Variants in PATJ observed in about 807,000 individuals in gnomAD.
The protein encoded by PATJ is inaD-like protein.
PATJ carries 190 observed loss-of-function variants against 224.9 expected under a neutral mutation model. The observed-to-expected ratio is 0.84, with a 90% CI of 0.75 to 0.95. The LOEUF (loss-of-function observed/expected upper bound fraction) is 0.95, where lower values mean the gene tolerates loss of function less well. Among genes scored for constraint, PATJ ranks in the 40% least tolerant of loss-of-function variants. The probability of loss-of-function intolerance (pLI) is 0.00; values close to 1 mark genes in which losing one functional copy is unlikely to be tolerated. For missense variants in PATJ, 2,121 were observed against 2,270.3 expected (o/e 0.93, Z 1.34); for synonymous variants, 769 against 820.3 (o/e 0.94, Z 1.07).
chr1:62,098,908 C>T (rs1050882350), intron 33 of PATJ, among the ~76,000 whole-genome samples: 4 of 151,950 alleles, frequency 2.6e-5, no homozygotes, highest in Non-Finnish European at 5.9e-5. Flanking sequence ...TTAACTGAAT[C>T]CTTTTTTATA....
intron 33 of PATJ, among the ~76,000 whole-genome samples, chr1:62,102,392 TAATC>T: frequency 6.6e-6 from 1 of 152,206 alleles, no homozygotes; most frequent in South Asian, 2.1e-4. Flanking sequence ...TGATAGAAAT[TAATC>T]TTTTTTCTTG....
At chr1:61,777,422 G>A (rs1372759505) in intron 7 of PATJ, among the ~76,000 whole-genome samples, 1 of 152,032 alleles carries the variant, frequency 6.6e-6, no homozygotes, top group African/African-American at 2.4e-5. Flanking sequence ...AAAGTTAGCT[G>A]GGCATGGTGC....
chr1:61,943,011 A>T (rs1037553536), intron 27 of PATJ, among the ~76,000 whole-genome samples: 6 of 152,222 alleles, frequency 3.9e-5, no homozygotes, highest in Non-Finnish European at 7.3e-5. Flanking sequence ...GAAACAAGCC[A>T]AATGTCCATC....
intron 22 of PATJ, among the ~76,000 whole-genome samples, chr1:61,895,186 A>C (rs561281506): frequency 6.6e-6 from 1 of 152,380 alleles, no homozygotes; most frequent in African/African-American, 2.4e-5. Context: ...CAGAGCATAA[A>C]GGTGTAGAAA....
chr1:61,835,624 G>A lies in PATJ; in HGVS notation c.2112+1839G>A, dbSNP rs961948908. Among the ~76,000 whole-genome samples, 10 of 151,918 alleles carry A rather than the reference G, an allele frequency of 6.6e-5. 1 individual carries two copies. The highest frequency in any genetic ancestry group is 2.2e-4 in the African/African-American group (9 of 41,354). ...TCACCATTTTGGCCAGGCTAGTCTC[G>A]AACCCCTGACCTCAAGTGATTCCCC... On this transcript the variant is annotated intron_variant, in intron 17 of 43. Coordinates refer to ENST00000642238, the MANE Select transcript of PATJ (RefSeq NM_001350145.3).
At chr1:61,911,695 T>TTTTATATATATATA (rs770166083) in intron 25 of PATJ, among the ~76,000 whole-genome samples, 1 of 140,616 alleles carries the variant, frequency 7.1e-6, no homozygotes, top group African/African-American at 2.6e-5. Flanking sequence ...CTATATATTT[T>TTTTATATATATATA]TATATATATA....
chr1:61,744,450 G>A (rs1271387257), intron 1 of PATJ, among the ~76,000 whole-genome samples: 1 of 151,988 alleles, frequency 6.6e-6, no homozygotes, highest in African/African-American at 2.4e-5. Context: ...AGGCTCTCTA[G>A]TTTGTTTGGG....
intron 32 of PATJ, among the ~76,000 whole-genome samples, chr1:62,083,570 A>G (rs1354719251): frequency 3.3e-5 from 5 of 152,260 alleles, no homozygotes; most frequent in African/African-American, 4.8e-5. Context: ...AACCTAAAAC[A>G]ATTGTTTTTA....
intron 34 of PATJ, among the ~76,000 whole-genome samples, chr1:62,111,486 A>G (rs907618635): frequency 6.6e-6 from 1 of 152,180 alleles, no homozygotes; most frequent in African/African-American, 2.4e-5. Context: ...CCCTGTGCCA[A>G]ATGATTTACA....
chr1:61,949,400 A>G (rs1679284522), intron 27 of PATJ, among the ~76,000 whole-genome samples: 2 of 150,920 alleles, frequency 1.3e-5, no homozygotes, highest in African/African-American at 5.0e-5. Flanking sequence ...AATAGTTGTG[A>G]TGGTTGCACA....
At chr1:62,135,515 C>CAAAAAAA in intron 41 of PATJ, among the ~76,000 whole-genome samples, 1 of 83,784 alleles carries the variant, frequency 1.2e-5, no homozygotes, top group Non-Finnish European at 2.2e-5. Flanking sequence ...GACTCCGTCT[C>CAAAAAAA]AAAAAAAAAA....
intron 1 of PATJ, among the ~76,000 whole-genome samples, chr1:61,754,968 G>A (rs1645549531): frequency 6.6e-6 from 1 of 151,948 alleles, no homozygotes; most frequent in South Asian, 2.1e-4. Flanking sequence ...GGATACTCCA[G>A]AATGGTCTCC....
At chr1:61,913,186 T>A (rs1184580354) in intron 25 of PATJ, among the ~76,000 whole-genome samples, 1 of 152,132 alleles carries the variant, frequency 6.6e-6, no homozygotes, top group Non-Finnish European at 1.5e-5. Context: ...AGGCAGGCAG[T>A]CTTTTAATTT....
At chr1:61,758,103 A>G (rs1645752736) in intron 1 of PATJ, among the ~76,000 whole-genome samples, 1 of 152,180 alleles carries the variant, frequency 6.6e-6, no homozygotes, top group African/African-American at 2.4e-5. Context: ...TTGTCAAAGC[A>G]TCTTCATCTG....
chr1:61,769,371 G>A lies in PATJ; in HGVS notation c.473G>A (p.Gly158Glu), dbSNP rs1207663906. ...GTGGCCCTCAGAAGTCAAAATCTCGGAAAAGTTGATATCTTCGTGAAGGAT... is the reference window on the plus strand; with the variant it reads ...GTGGCCCTCAGAAGTCAAAATCTCGAAAAAGTTGATATCTTCGTGAAGGAT... ...SVVALRSQNL[G>E]KVDIFVKDVQ... is the part of the protein sequence containing the mutation. Residue 158 changes from glycine (G) to glutamate (E), a missense_variant, in exon 5 of 44, where the codon GGA becomes GAA. Transcript: ENST00000642238. The A allele has an allele frequency of 1.2e-6, 2 of 1,613,952 alleles. No individual in the cohort carries two copies. Among genetic ancestry groups the A allele is most frequent in the Non-Finnish European group, 1.7e-6 (2 of 1,180,012 alleles).
chr1:61,928,012 C>T (rs536599254), intron 27 of PATJ, among the ~76,000 whole-genome samples, 183 bp downstream of exon 27: 1 of 152,292 alleles, frequency 6.6e-6, no homozygotes, highest in Non-Finnish European at 1.5e-5. Context: ...TTCCCTTGGA[C>T]ACTGAGAAAG....
intron 20 of PATJ, among the ~76,000 whole-genome samples, chr1:61,873,878 G>A (rs1167994962): frequency 1.3e-5 from 2 of 152,198 alleles, no homozygotes; most frequent in Non-Finnish European, 2.9e-5. Context: ...GGAGGAGCCT[G>A]GCCTCTTCAG....
intron 14 of PATJ, among the ~76,000 whole-genome samples, chr1:61,810,011 C>T (rs1241693790): frequency 1.3e-5 from 2 of 151,802 alleles, no homozygotes; most frequent in Admixed American, 6.6e-5. Flanking sequence ...CCACCCCCGG[C>T]TAATTTTTTT....
At chr1:61,900,179 T>C (rs1054966437) in intron 23 of PATJ, among the ~76,000 whole-genome samples, 33 of 152,230 alleles carry the variant, frequency 2.2e-4, no homozygotes, top group Non-Finnish European at 2.9e-5. Context: ...ATGATGAAAG[T>C]CTTCCTTTAG....
Sources: gnomAD v4.1 joint callset for allele counts (sites outside exome capture counted in the v4.1 genomes callset) on GRCh38, gnomAD v4.1.1 for gene constraint, MANE v1.5 for transcripts, NCBI Gene and HGNC (gene_info 2026-07-23, HGNC 2026-07-21) for gene names.